LMBR1: variants seen among roughly 807,000 people sequenced by gnomAD.
LMBR1 encodes the protein limb development membrane protein 1, also known as limb region 1 protein homolog.
In LMBR1, 52 loss-of-function variants were observed where a neutral mutation model predicts 73.9. The ratio of observed to expected loss-of-function variants is 0.70; its 90% CI spans 0.56 to 0.89. The LOEUF (loss-of-function observed/expected upper bound fraction) is 0.89, where lower values mean the gene tolerates loss of function less well. Among genes scored for constraint, LMBR1 ranks in the 40% least tolerant of loss-of-function variants. The pLI, the probability that LMBR1 is intolerant of heterozygous loss-of-function variation, is 0.00. For missense variants in LMBR1, 539 were observed against 579.8 expected (o/e 0.93, Z 0.72); for synonymous variants, 215 against 209.4 (o/e 1.03, Z -0.23).
intron 1 of LMBR1, among the ~76,000 whole-genome samples, chr7:156,881,948 G>A (rs12532280): frequency 0.1 from 15,240 of 152,120 alleles, 859 homozygotes; most frequent in African/African-American, 0.13. Context: ...CAAAACTACC[G>A]TATGATTCAG....
rs373467606 is a variant in LMBR1, at chr7:156,685,300, G to A, written c.1388-1137C>T. On this transcript the variant is annotated intron_variant, in intron 16 of 16. Coordinates refer to ENST00000353442, the MANE Select transcript of LMBR1 (RefSeq NM_022458.4). This position sits in a 1 kb window ranked among gnomAD's most constrained non-coding sequence, Gnocchi z 4.1. ...GTAAGAGCTTCTGTGGCACTGGAGC[G>A]TCAAGCACTTTAATAAAAATGAAAC... is the stretch of plus-strand genomic sequence containing the variant. Among the ~76,000 whole-genome samples, 9 of 152,210 alleles carry A rather than the reference G, an allele frequency of 5.9e-5. No individual in the cohort carries two copies. The highest frequency in any genetic ancestry group is 2.0e-4 in the Admixed American group (3 of 15,286).
chr7:156,725,581 G>C, intron 13 of LMBR1, 56 bp from the exon 14 acceptor site: 1 of 1,369,158 alleles, frequency 7.3e-7, no homozygotes, highest in South Asian at 1.3e-5. Flanking sequence ...CTAAGTTCTC[G>C]GCAGTCTCCA....
In LMBR1 at chr7:156,873,324, C is replaced by T. The variant is rs191995635; in HGVS notation, c.66+19604G>A. ...ATTCCTCCCGGTGGGCTCCTGGTCT[C>T]GCTGGGCTCAGGAGTGAAGCTGCAG... On this transcript the variant is annotated intron_variant, in intron 1 of 16. Transcript: ENST00000353442. 4.5e-3 allele frequency among the ~76,000 whole-genome samples: 688 copies of T among 151,854 alleles called. 1 individual carries two copies. Among genetic ancestry groups the T allele is most frequent in the African/African-American group, 0.015 (622 of 41,388 alleles).
Position 156,680,749 on chromosome 7 carries a change from C to G in LMBR1, c.*3329G>C, listed in dbSNP as rs537205263. 3 of 169,736 alleles carry G rather than the reference C, an allele frequency of 1.8e-5. No homozygotes were observed. Among genetic ancestry groups the G allele is most frequent in the Non-Finnish European group, 3.7e-5 (3 of 80,286 alleles). The allele number at this position is 169,736 out of a possible 1,614,324, so 10.5% of individuals were successfully genotyped here. On this transcript the variant is annotated 3_prime_UTR_variant, in exon 17 of 17. Coordinates refer to ENST00000353442, the MANE Select transcript of LMBR1 (RefSeq NM_022458.4). ...AATTCAACATTCATCAGAATAATTA[C>G]TGCCCTCTATAAAACTGAAATGGAA...
intron 4 of LMBR1, among the ~76,000 whole-genome samples, chr7:156,815,809 G>A (rs1238282723): frequency 6.6e-6 from 1 of 151,908 alleles, no homozygotes; most frequent in African/African-American, 2.4e-5. Context: ...AATACTAAGG[G>A]TCCACTATGC....
chr7:156,890,744 G>C (rs1350659971), intron 1 of LMBR1, among the ~76,000 whole-genome samples: 3 of 152,172 alleles, frequency 2.0e-5, no homozygotes, highest in Non-Finnish European at 4.4e-5. Flanking sequence ...GTCAGTACTG[G>C]CGGAAGTGTA....
At chr7:156,834,041 A>C (rs999485663) in intron 2 of LMBR1, among the ~76,000 whole-genome samples, 1 of 152,304 alleles carries the variant, frequency 6.6e-6, no homozygotes, top group Middle Eastern at 3.4e-3. Flanking sequence ...TATGTAAATT[A>C]AAATTTGCTC....
chr7:156,774,359 T>C (rs1026080024), intron 5 of LMBR1, among the ~76,000 whole-genome samples: 2 of 152,208 alleles, frequency 1.3e-5, no homozygotes, highest in African/African-American at 2.4e-5. Flanking sequence ...AATCCCATTA[T>C]TGGGTATATA....
At chr7:156,819,757 T>A (rs1834461522) in intron 4 of LMBR1, among the ~76,000 whole-genome samples, 1 of 152,142 alleles carries the variant, frequency 6.6e-6, no homozygotes, top group Non-Finnish European at 1.5e-5. Context: ...TAGGGGCTTA[T>A]GGAGGTCAGG....
intron 5 of LMBR1, among the ~76,000 whole-genome samples, chr7:156,785,459 T>G (rs1265870783): frequency 6.6e-6 from 1 of 151,816 alleles, no homozygotes; most frequent in African/African-American, 2.4e-5. Context: ...CCAGGAGAGG[T>G]AAACACTAAG....
intron 4 of LMBR1, among the ~76,000 whole-genome samples, chr7:156,817,614 A>G (rs59753789): frequency 0.018 from 2,757 of 152,262 alleles, 87 homozygotes; most frequent in African/African-American, 0.062. Flanking sequence ...AACAACTACC[A>G]ATGAAATGTG....
intron 1 of LMBR1, among the ~76,000 whole-genome samples, chr7:156,888,203 G>A (rs1356474410): frequency 1.3e-5 from 2 of 151,992 alleles, no homozygotes; most frequent in African/African-American, 4.8e-5. Context: ...GAGGTCAGGA[G>A]ATCAAGACCT....
chr7:156,788,706 T>G (rs575234414), intron 5 of LMBR1, among the ~76,000 whole-genome samples: 1 of 152,330 alleles, frequency 6.6e-6, no homozygotes, highest in East Asian at 1.9e-4. Flanking sequence ...ATTTACAGAA[T>G]GAAACTGCAG....
chr7:156,875,576 C>G (rs1331917720), intron 1 of LMBR1, among the ~76,000 whole-genome samples: 2 of 152,084 alleles, frequency 1.3e-5, no homozygotes, highest in Non-Finnish European at 2.9e-5. Context: ...GCAAAAGCAC[C>G]AGGTAACCTA....
intron 8 of LMBR1, among the ~76,000 whole-genome samples, chr7:156,757,653 A>T (rs1314771484): frequency 6.6e-6 from 1 of 152,234 alleles, no homozygotes; most frequent in Middle Eastern, 3.2e-3. Context: ...ACTCACACTC[A>T]GCAAAAAAAA....
At chr7:156,708,996 C>T (rs1811546588) in intron 15 of LMBR1, among the ~76,000 whole-genome samples, 1 of 152,174 alleles carries the variant, frequency 6.6e-6, no homozygotes, top group South Asian at 2.1e-4. Context: ...CCAACAACCA[C>T]GGTGGCTGCA....
chr7:156,888,094 T>C (rs1802224238), intron 1 of LMBR1, among the ~76,000 whole-genome samples: 1 of 152,014 alleles, frequency 6.6e-6, no homozygotes, highest in African/African-American at 2.4e-5. Flanking sequence ...CTGTGGAAAA[T>C]GGTATGGCAG....
At chr7:156,808,311 T>C (rs368321748) in intron 4 of LMBR1, among the ~76,000 whole-genome samples, 1 of 152,208 alleles carries the variant, frequency 6.6e-6, no homozygotes, top group African/African-American at 2.4e-5. Context: ...ATTAGGCTCT[T>C]TGGGTGAACA....
chr7:156,706,855 G>A (rs1217244415), intron 15 of LMBR1, among the ~76,000 whole-genome samples: 2 of 146,866 alleles, frequency 1.4e-5, no homozygotes, highest in Admixed American at 6.8e-5. Flanking sequence ...AAAATCAGTA[G>A]AAGAAAAGAA....
Sources: allele counts gnomAD v4.1 joint callset (sites outside exome capture counted in the v4.1 genomes callset), GRCh38; gene constraint gnomAD v4.1.1; non-coding constraint Gnocchi (gnomAD v3.1); transcripts MANE v1.5; gene names NCBI Gene and HGNC (gene_info 2026-07-23, HGNC 2026-07-21).